Variants in TPCN2 observed in about 807,000 individuals in gnomAD.
TPCN2 encodes the protein two pore segment channel 2, also known as two pore channel protein 2.
TPCN2 carries 92 observed loss-of-function variants against 111.4 expected under a neutral mutation model. The observed-to-expected ratio is 0.83, with a 90% CI of 0.70 to 0.98. The LOEUF is 0.98. Ranked by LOEUF, TPCN2 falls within the 50% of genes least tolerant of loss-of-function variation. TPCN2 has a pLI of 0.00. For synonymous variants in TPCN2, 405 were observed against 414.5 expected, an observed-to-expected ratio of 0.98 and a Z score of 0.28; for missense variants, 995 against 980.1, an observed-to-expected ratio of 1.02 and a Z score of -0.20.
At chr11:69,070,394 AG>A (rs765124767) in intron 8 of TPCN2, 35 bp from the exon 9 acceptor site, 26 of 1,534,736 alleles carry the variant, frequency 1.7e-5, no homozygotes, top group Non-Finnish European at 2.3e-5. Context: ...TCAGGTACTG[AG>A]GTTGTCAGTT....
Position 69,088,994 on chromosome 11 carries a change from C to T in TPCN2, c.*1041C>T, listed in dbSNP as rs1428628916. On this transcript the variant is annotated 3_prime_UTR_variant, in exon 25 of 25. Coordinates refer to ENST00000294309, the MANE Select transcript of TPCN2 (RefSeq NM_139075.4). Reference sequence around the variant, plus strand: ...CTCCACACCGAGCCTGGTGCCCGGTCTGTGCCCGAGCTCAGCGGGACCAGG... The same window carrying T: ...CTCCACACCGAGCCTGGTGCCCGGTTTGTGCCCGAGCTCAGCGGGACCAGG... 1 of 152,278 alleles carries T rather than the reference C, an allele frequency of 6.6e-6. No individual in the cohort carries two copies. The highest frequency in any genetic ancestry group is 1.5e-5 in the Non-Finnish European group (1 of 68,086). The allele number at this position is 152,278 out of a possible 1,614,324, so 9.4% of individuals were successfully genotyped here.
intron 1 of TPCN2, among the ~76,000 whole-genome samples, chr11:69,052,719 C>T (rs1488482886): frequency 3.9e-5 from 6 of 152,300 alleles, no homozygotes; most frequent in African/African-American, 7.2e-5. Context: ...GGGGCAGCTG[C>T]CTCCCTAAGG....
In TPCN2 at chr11:69,081,345, C is replaced by T. The variant is rs868377108; in HGVS notation, c.1590-55C>T. The T allele has an allele frequency of 2.0e-4, 257 of 1,296,644 alleles. 2 individuals are homozygous for T. The Middle Eastern group carries it at 2.7e-3, about 14-fold the overall frequency. 80.3% of individuals were successfully genotyped at this position (1,296,644 alleles called of 1,614,324 possible). On this transcript the variant is annotated intron_variant, in intron 17 of 24. Coordinates refer to ENST00000294309, the MANE Select transcript of TPCN2 (RefSeq NM_139075.4). The stretch of plus-strand genomic sequence containing the variant: ...CAGGAACCCGCGCGTTTCCTTGTCT[C>T]CTCCCTGTGGGGCTCCTGGGCTCCT...
intron 4 of TPCN2, among the ~76,000 whole-genome samples, chr11:69,056,260 G>T (rs931014853): frequency 1.3e-5 from 2 of 152,228 alleles, no homozygotes; most frequent in Non-Finnish European, 2.9e-5. Context: ...GCCCGGCACT[G>T]CCCTGTAGTC....
At position 69,063,017 on chromosome 11, in the gene TPCN2, A is replaced by G. The variant is rs775319206; in HGVS notation, c.653+27A>G. 5 of 1,599,598 alleles carry G rather than the reference A, an allele frequency of 3.1e-6. No individual in the cohort carries two copies. The African/African-American group carries it at 5.4e-5, about 17-fold the overall frequency. The stretch of plus-strand genomic sequence containing the variant: ...TGGGCTCTTGGTGCTCTGGGCTCGC[A>G]GGGTTGGGAAGGGGCTCTCTCTGCC... On this transcript the variant is annotated intron_variant, in intron 6 of 24. Coordinates refer to ENST00000294309, the MANE Select transcript of TPCN2 (RefSeq NM_139075.4).
intron 19 of TPCN2, 139 bp from the exon 20 acceptor site, chr11:69,085,071 A>T: frequency 1.1e-6 from 1 of 873,546 alleles, no homozygotes; most frequent in Non-Finnish European, 1.9e-6. Flanking sequence ...TTGAAGTAGC[A>T]GCCAGGCTGG....
Position 69,077,689 on chromosome 11 carries a change from G to A in TPCN2, c.1231-793G>A, listed in dbSNP as rs116819620. The stretch of plus-strand genomic sequence containing the variant: ...CTTTGACGTATACATGAAGCATTGC[G>A]ATTTTCACTCTGCAGCCTGCCTGTT... On this transcript the variant is annotated intron_variant, in intron 13 of 24. Transcript: ENST00000294309. 8.6e-3 allele frequency among the ~76,000 whole-genome samples: 1,311 copies of A among 152,270 alleles called. 31 individuals carry two copies. Among genetic ancestry groups the A allele is most frequent in the African/African-American group, 0.03 (1,226 of 41,548 alleles).
chr11:69,063,636 T>G (rs1855123926), intron 6 of TPCN2, among the ~76,000 whole-genome samples: 1 of 152,106 alleles, frequency 6.6e-6, no homozygotes, highest in African/African-American at 2.4e-5. Flanking sequence ...CCTTGGATGC[T>G]GTCTCAGCTG....
intron 5 of TPCN2, among the ~76,000 whole-genome samples, chr11:69,059,570 C>T (rs559918178): frequency 2.6e-5 from 4 of 152,356 alleles, no homozygotes; most frequent in African/African-American, 7.2e-5. Context: ...AAGCTGACAG[C>T]GTTGCTGAGT....
intron 1 of TPCN2, 150 bp downstream of exon 1, chr11:69,049,256 AG>A (rs918097428): frequency 1.7e-5 from 8 of 469,918 alleles, no homozygotes; most frequent in African/African-American, 1.4e-4. Context: ...GTGCCAGGCG[AG>A]CCGGTGTTCT....
intron 18 of TPCN2, among the ~76,000 whole-genome samples, chr11:69,082,921 G>C (rs552701396): frequency 6.7e-6 from 1 of 150,038 alleles, no homozygotes; most frequent in Admixed American, 6.6e-5. Flanking sequence ...ACGTGAACTC[G>C]TGCCCGTGTA....
At chr11:69,049,538 A>G (rs942289948) in intron 1 of TPCN2, among the ~76,000 whole-genome samples, 6 of 152,234 alleles carry the variant, frequency 3.9e-5, no homozygotes, top group Non-Finnish European at 8.8e-5. Flanking sequence ...TTCTGGAAAA[A>G]GCAGAGGCTC....
chr11:69,088,236 A>G lies in TPCN2; in HGVS notation c.*283A>G. 7.1e-6 allele frequency: 3 copies of G among 419,842 alleles called. No individual in the cohort carries two copies. Among genetic ancestry groups the G allele is most frequent in the African/African-American group, 2.0e-5 (1 of 50,180 alleles). 26.0% of individuals were successfully genotyped at this position (419,842 alleles called of 1,614,324 possible). On this transcript the variant is annotated 3_prime_UTR_variant, in exon 25 of 25. Transcript: ENST00000294309. ...CGACTCCACAGGGACCTTTCAGACA[A>G]AAATGCAAGAAGCAGCGGCCTCCCC...
chr11:69,085,696 C>T lies in TPCN2; in HGVS notation c.1864C>T (p.Pro622Ser), dbSNP rs1856243350. The change falls in exon 21 of 25, where the codon CCC (proline) becomes TCC (serine). Residue 622 changes from proline (P) to serine (S), a missense_variant. Pro to Ser is a moderately conservative substitution (Grantham distance 74). Transcript: ENST00000294309. ...CCTGGCCCCTGCCAATGGCTCGGCG[C>T]CCTGTGGGAGCTTCGAGCAGCTGGA... ...SSLAPANGSA[P>S]CGSFEQLEYW... 2 of 1,613,788 alleles carry T rather than the reference C, an allele frequency of 1.2e-6. No individual in the cohort carries two copies. The highest frequency in any genetic ancestry group is 1.3e-5 in the African/African-American group (1 of 74,914).
At chr11:69,051,349 G>A (rs964299212) in intron 1 of TPCN2, among the ~76,000 whole-genome samples, 1 of 152,268 alleles carries the variant, frequency 6.6e-6, no homozygotes, top group Non-Finnish European at 1.5e-5. Flanking sequence ...GGCTTTCAGA[G>A]TAACTGAATG....
rs1161643387 is a variant in TPCN2 at position 69,073,001 on chromosome 11, G to A, written c.1230G>A (p.Glu410=). The A allele has an allele frequency of 2.5e-6, 4 of 1,613,038 alleles. No homozygotes were observed. In the South Asian group the frequency reaches 3.3e-5, roughly 13 times the overall value. The change falls in exon 13 of 25, where the codon GAG becomes GAA. Residue 410 remains glutamate, a splice_region_variant and synonymous_variant. Transcript: ENST00000294309. Reference sequence around the variant, plus strand: ...AGCTTGACAGAAGTGTGGTTAAAGAGGTAACTGGGGCCACAGCCGCCCAGG... The same window carrying A: ...AGCTTGACAGAAGTGTGGTTAAAGAAGTAACTGGGGCCACAGCCGCCCAGG... ...FNELDRSVVK[E]HPPRPEYQSP...
At chr11:69,079,383 AG>A (rs2134620576) in intron 16 of TPCN2, 2 of 306,480 alleles carry the variant, frequency 6.5e-6, no homozygotes, top group Non-Finnish European at 1.2e-5. Flanking sequence ...GCGAGGGGCC[AG>A]GGGGCTCTCA....
chr11:69,085,803 C>T (rs1199950860), intron 21 of TPCN2, 45 bp from the exon 22 acceptor site: 2 of 1,613,134 alleles, frequency 1.2e-6, no homozygotes, highest in South Asian at 1.1e-5. Flanking sequence ...TCCTCCCCTC[C>T]CTACCTCCTG....
chr11:69,082,671 TCG>T (rs1856078731), intron 18 of TPCN2, among the ~76,000 whole-genome samples: 1 of 140,722 alleles, frequency 7.1e-6, no homozygotes, highest in Non-Finnish European at 1.5e-5. Context: ...CCATGTGAAC[TCG>T]TGCCCGTGTA....
Sources: gnomAD v4.1 joint callset for allele counts (sites outside exome capture counted in the v4.1 genomes callset) on GRCh38, gnomAD v4.1.1 for gene constraint, MANE v1.5 for transcripts, NCBI Gene and HGNC (gene_info 2026-07-23, HGNC 2026-07-21) for gene names.